The following SAMD5 variants were observed in gnomAD, a reference collection of about 807,000 sequenced individuals.
The protein encoded by SAMD5 is sterile alpha motif domain containing 5.
SAMD5 carries 13 observed loss-of-function variants against 11.3 expected under a neutral mutation model. The ratio of observed to expected loss-of-function variants is 1.15; its 90% CI spans 0.75 to 1.83. SAMD5 has a LOEUF of 1.83. Ranked by LOEUF, SAMD5 falls within the 40% of genes most tolerant of loss-of-function variation. SAMD5 has a pLI of 0.00. For missense variants in SAMD5, 255 were observed against 239.1 expected (o/e 1.07, Z -0.44); for synonymous variants, 129 against 111.3 (o/e 1.16, Z -1.00).
At chr6:147,819,519 TCACTGCA>T in the SAMD5 span, among the ~76,000 whole-genome samples, 1 of 152,222 alleles carries the variant, frequency 6.6e-6, no homozygotes, top group South Asian at 2.1e-4. Context: ...TTCTTGCTAC[TCACTGCA>T]AGAAATATAG....
At chr6:147,687,233 T>C (rs1167708075) in intron 1 of SAMD5, among the ~76,000 whole-genome samples, 1 of 149,768 alleles carries the variant, frequency 6.7e-6, no homozygotes, top group African/African-American at 2.4e-5. Flanking sequence ...TCATTTATCC[T>C]CCCTCCCTCT....
In SAMD5 at chr6:147,509,400, C is replaced by G. The variant is rs575852108; in HGVS notation, c.459+13C>G. The stretch of plus-strand genomic sequence containing the variant: ...GTACTCCCGCAAGGTAAGGAGGTGC[C>G]GTCCGGGCGGCCCGGGGCGCGCGGC... On this transcript the variant is annotated intron_variant, in intron 1 of 1. Transcript: ENST00000367474. The G allele has an allele frequency of 3.0e-5, 45 of 1,510,902 alleles. No individual in the cohort carries two copies. The South Asian group carries it at 3.7e-4, about 12-fold the overall frequency. 93.6% of individuals were successfully genotyped at this position (1,510,902 alleles called of 1,614,324 possible). A position where few individuals can be genotyped will look rare whatever the true frequency, so the allele number is the denominator to read the frequency against.
At position 147,569,874 on chromosome 6, in the gene SAMD5, G is replaced by C. The variant is rs1789109185; in HGVS notation, c.*5418G>C. 2.0e-6 allele frequency: 2 copies of C among 985,000 alleles called. No individual in the cohort carries two copies. Among genetic ancestry groups the C allele is most frequent in the East Asian group, 1.1e-4 (1 of 8,824 alleles). The allele number at this position is 985,000 out of a possible 1,614,324, so 61.0% of individuals were successfully genotyped here. A position where few individuals can be genotyped will look rare whatever the true frequency, so the allele number is the denominator to read the frequency against. ...AATTGACACTTTCTTTTCCCTTTCA[G>C]TTATTATTTTTTTTAAAGGACGTTA... On this transcript the variant is annotated 3_prime_UTR_variant, in exon 2 of 2. Coordinates refer to ENST00000367474, the MANE Select transcript of SAMD5 (RefSeq NM_001030060.3).
chr6:147,905,643 G>A, the SAMD5 span, among the ~76,000 whole-genome samples: 1 of 152,050 alleles, frequency 6.6e-6, no homozygotes, highest in African/African-American at 2.4e-5. Flanking sequence ...TCGTGAAATT[G>A]AACATGAAAA....
the SAMD5 span, among the ~76,000 whole-genome samples, chr6:147,844,865 A>G: frequency 1.3e-5 from 2 of 152,130 alleles, no homozygotes; most frequent in Admixed American, 1.3e-4. Context: ...TGATGGGGAA[A>G]GGGAAGATGT....
intron 1 of SAMD5, among the ~76,000 whole-genome samples, chr6:147,631,161 G>A (rs144633437): frequency 0.02 from 3,052 of 152,230 alleles, 92 homozygotes; most frequent in African/African-American, 0.068. Context: ...GTGATATTGT[G>A]GGGTTGTTAG....
At chr6:147,651,947 C>A (rs1790491570) in intron 1 of SAMD5, among the ~76,000 whole-genome samples, 1 of 127,810 alleles carries the variant, frequency 7.8e-6, no homozygotes, top group Non-Finnish European at 1.9e-5. Context: ...CGGAGTCCCA[C>A]AGCTCAACAC....
downstream of SAMD5, among the ~76,000 whole-genome samples, chr6:147,573,655 G>A (rs1789171351): frequency 2.0e-5 from 3 of 152,216 alleles, no homozygotes; most frequent in Admixed American, 1.3e-4. Context: ...CCCCATCAGA[G>A]GGTTTCTGGG....
intron 1 of SAMD5, among the ~76,000 whole-genome samples, chr6:147,548,116 A>T (rs1301773839): frequency 2.3e-5 from 3 of 132,134 alleles, no homozygotes; most frequent in African/African-American, 8.5e-5. Flanking sequence ...AAAAAATATA[A>T]TAATAGCCAA....
chr6:147,805,633 C>T, the SAMD5 span, among the ~76,000 whole-genome samples: 1,254 of 152,248 alleles, frequency 8.2e-3, 23 homozygotes, highest in African/African-American at 0.028. Flanking sequence ...ATCCTGAAGA[C>T]TCAATCCTGA....
At position 147,610,251 on chromosome 6, in the gene SAMD5, A is replaced by G. The variant is rs537466798; in HGVS notation, c.162+100864A>G. Reference sequence around the variant, plus strand: ...AGGAAATGGATCATTTACCTGAAGCATTTAGTCTGTTGCAGTTCCTATTAT... The same window carrying G: ...AGGAAATGGATCATTTACCTGAAGCGTTTAGTCTGTTGCAGTTCCTATTAT... On this transcript the variant is annotated intron_variant, in intron 1 of 1. Coordinates refer to the SAMD5 transcript ENST00000566741. Among the ~76,000 whole-genome samples the G allele has an allele frequency of 3.3e-4, 50 of 152,322 alleles. 2 individuals carry two copies. The South Asian group carries it at 9.5e-3, about 29-fold the overall frequency.
At chr6:147,663,088 C>G (rs996557517) in intron 1 of SAMD5, among the ~76,000 whole-genome samples, 4 of 152,118 alleles carry the variant, frequency 2.6e-5, no homozygotes, top group Admixed American at 2.6e-4. Flanking sequence ...GATTTGCTTT[C>G]AATTCTAGTG....
At chr6:147,918,081 T>A in the SAMD5 span, among the ~76,000 whole-genome samples, 1 of 152,204 alleles carries the variant, frequency 6.6e-6, no homozygotes, top group African/African-American at 2.4e-5. Flanking sequence ...GTAGTTTTTT[T>A]CCAATTCTTT....
At chr6:147,725,388 T>G (rs1220916670) in intron 1 of SAMD5, among the ~76,000 whole-genome samples, 1 of 12,442 alleles carries the variant, frequency 8.0e-5, no homozygotes, top group East Asian at 5.5e-4. Flanking sequence ...CTGACCTGGC[T>G]TTTTTTTTTT....
chr6:147,720,204 G>A (rs1455610352), intron 1 of SAMD5, among the ~76,000 whole-genome samples: 1 of 152,194 alleles, frequency 6.6e-6, no homozygotes, highest in Non-Finnish European at 1.5e-5. Flanking sequence ...CTCCACGCCT[G>A]TAATCCCAGC....
intron 1 of SAMD5, among the ~76,000 whole-genome samples, chr6:147,631,037 T>A (rs1463915760): frequency 6.6e-6 from 1 of 150,800 alleles, no homozygotes; most frequent in African/African-American, 2.4e-5. Context: ...TTTGTGGGGG[T>A]GGTATGGAGA....
intron 1 of SAMD5, among the ~76,000 whole-genome samples, chr6:147,560,907 C>T (rs996312707): frequency 6.6e-6 from 1 of 152,134 alleles, no homozygotes; most frequent in Admixed American, 6.6e-5. Context: ...AAAGTCACAA[C>T]CCAAGAATTA....
chr6:147,656,351 T>C (rs181002495), intron 1 of SAMD5, among the ~76,000 whole-genome samples: 2 of 152,076 alleles, frequency 1.3e-5, no homozygotes. Flanking sequence ...AAAATAAAAC[T>C]TTTGCAAGTC....
the SAMD5 span, among the ~76,000 whole-genome samples, chr6:147,820,365 A>G: frequency 0.15 from 23,481 of 152,180 alleles, 2,372 homozygotes; most frequent in African/African-American, 0.29. Flanking sequence ...AAGAAAGCCC[A>G]ATTATTCTTT....
Sources: allele counts gnomAD v4.1 joint callset (sites outside exome capture counted in the v4.1 genomes callset), GRCh38; gene constraint gnomAD v4.1.1; transcripts MANE v1.5; gene names NCBI Gene and HGNC (gene_info 2026-07-23, HGNC 2026-07-21).